KIAA0825: variants seen among roughly 807,000 people sequenced by gnomAD.
KIAA0825 encodes the protein KIAA0825.
KIAA0825 carries 119 observed loss-of-function variants against 147.6 expected under a neutral mutation model. That is an observed-to-expected ratio of 0.81 (90% CI 0.69 to 0.94). The LOEUF is 0.94. Ranked by LOEUF, KIAA0825 falls within the 40% of genes least tolerant of loss-of-function variation. KIAA0825 has a pLI of 0.00. For missense variants in KIAA0825, 1,381 were observed against 1,472.7 expected (o/e 0.94, Z 1.02); for synonymous variants, 470 against 518.1 (o/e 0.91, Z 1.26).
In KIAA0825 at chr5:94,521,036, T is replaced by C. The variant is rs531636823; in HGVS notation, c.301-119A>G. 8.9e-6 allele frequency: 8 copies of C among 899,650 alleles called. No homozygotes were observed. In the South Asian group the frequency reaches 1.7e-4, roughly 19 times the overall value. The allele number at this position is 899,650 out of a possible 1,614,324, so 55.7% of individuals were successfully genotyped here. A position where few individuals can be genotyped will look rare whatever the true frequency, so the allele number is the denominator to read the frequency against. ...ATCAATACTCTAAAATTCCTTAAGA[T>C]TTTATTTTTTTGCATTTGAAATTTA... On this transcript the variant is annotated intron_variant, in intron 4 of 20. Transcript: ENST00000682413.
intron 5 of KIAA0825, among the ~76,000 whole-genome samples, chr5:94,516,313 C>T (rs79750386): frequency 0.024 from 3,579 of 152,264 alleles, 63 homozygotes; most frequent in Non-Finnish European, 0.037. Context: ...GGTAGAATAA[C>T]ATAGCACAGC....
At chr5:94,209,339 A>G (rs542322259) in intron 20 of KIAA0825, among the ~76,000 whole-genome samples, 1 of 152,224 alleles carries the variant, frequency 6.6e-6, no homozygotes, top group African/African-American at 2.4e-5. Context: ...TCTCTATTCT[A>G]CCAAAAACAG....
chr5:94,538,757 G>A (rs756173883), intron 2 of KIAA0825, among the ~76,000 whole-genome samples: 1 of 152,200 alleles, frequency 6.6e-6, no homozygotes, highest in Non-Finnish European at 1.5e-5. Flanking sequence ...TATCCAAAAG[G>A]TCCTATAACG....
chr5:94,319,037 A>G (rs1313050533), intron 20 of KIAA0825, among the ~76,000 whole-genome samples: 1 of 151,918 alleles, frequency 6.6e-6, no homozygotes, highest in Non-Finnish European at 1.5e-5. Flanking sequence ...ACCAGGCTTG[A>G]TATTGATGAG....
intron 20 of KIAA0825, among the ~76,000 whole-genome samples, chr5:94,172,774 G>C (rs1173436770): frequency 6.6e-6 from 1 of 152,074 alleles, no homozygotes; most frequent in Non-Finnish European, 1.5e-5. Flanking sequence ...TGTGGTAGAA[G>C]GTGTATGAAA....
In KIAA0825 at chr5:94,153,786, G is replaced by A. The variant is rs370604950; in HGVS notation, c.*221C>T. The A allele has an allele frequency of 6.2e-5, 24 of 387,192 alleles. No individual in the cohort carries two copies. In the South Asian group the frequency reaches 2.0e-3, roughly 32 times the overall value. 24.0% of individuals were successfully genotyped at this position (387,192 alleles called of 1,614,324 possible). ...TGGCAGCAGTTATATCATATAAAGA[G>A]AAAGATTGGGGAAAGAAAAACATTT... On this transcript the variant is annotated 3_prime_UTR_variant, in exon 21 of 21. Transcript: ENST00000682413.
At chr5:94,411,180 G>A (rs1752719202) in intron 15 of KIAA0825, among the ~76,000 whole-genome samples, 1 of 152,028 alleles carries the variant, frequency 6.6e-6, no homozygotes, top group Non-Finnish European at 1.5e-5. Context: ...GATACATATT[G>A]TAAACCCTGG....
intron 1 of KIAA0825, among the ~76,000 whole-genome samples, chr5:94,595,900 A>T (rs1389506161): frequency 2.0e-5 from 3 of 152,202 alleles, no homozygotes; most frequent in Non-Finnish European, 4.4e-5. Context: ...GCAAAATGCC[A>T]CCAATCTCTT....
At chr5:94,494,185 T>C (rs1764070797) in intron 5 of KIAA0825, among the ~76,000 whole-genome samples, 2 of 152,110 alleles carry the variant, frequency 1.3e-5, no homozygotes, top group South Asian at 4.1e-4. Context: ...TGCTCAATGA[T>C]AACAAAATTC....
At chr5:94,357,069 C>T (rs1315588216) in intron 20 of KIAA0825, among the ~76,000 whole-genome samples, 1 of 152,032 alleles carries the variant, frequency 6.6e-6, no homozygotes, top group Non-Finnish European at 1.5e-5. Context: ...AATGTTGAAT[C>T]CTTAGAGAGC....
At chr5:94,527,056 T>C (rs913063341) in intron 3 of KIAA0825, among the ~76,000 whole-genome samples, 4 of 152,034 alleles carry the variant, frequency 2.6e-5, no homozygotes, top group African/African-American at 9.7e-5. Flanking sequence ...CAGAATTCAG[T>C]ACTTGTCATC....
chr5:94,535,723 A>G (rs1771871504), intron 3 of KIAA0825, among the ~76,000 whole-genome samples: 3 of 152,100 alleles, frequency 2.0e-5, no homozygotes, highest in Non-Finnish European at 4.4e-5. Flanking sequence ...GTAAGAGCCT[A>G]ACTTCAGTGG....
intron 1 of KIAA0825, among the ~76,000 whole-genome samples, chr5:94,604,947 C>A (rs932608364): frequency 2.2e-4 from 33 of 151,796 alleles, no homozygotes; most frequent in African/African-American, 7.5e-4. Context: ...TTTAAAAGAT[C>A]AACAAATCCA....
intron 12 of KIAA0825, among the ~76,000 whole-genome samples, chr5:94,455,360 C>G (rs1211366059): frequency 6.6e-6 from 1 of 152,154 alleles, no homozygotes; most frequent in East Asian, 1.9e-4. Context: ...GAGAAAATGA[C>G]TGAATCCACT....
At chr5:94,357,220 G>GT (rs1184124384) in intron 20 of KIAA0825, among the ~76,000 whole-genome samples, 1 of 149,654 alleles carries the variant, frequency 6.7e-6, no homozygotes, top group Admixed American at 6.7e-5. Context: ...ATCCTTCTGA[G>GT]TGGTAAAACT....
intron 1 of KIAA0825, among the ~76,000 whole-genome samples, chr5:94,602,270 G>C (rs756217066): frequency 6.6e-6 from 1 of 151,976 alleles, no homozygotes; most frequent in East Asian, 1.9e-4. Flanking sequence ...AGAATGGCGT[G>C]AACCTGGGAG....
Position 94,161,138 on chromosome 5 carries a change from T to C in KIAA0825, c.3711-7014A>G, listed in dbSNP as rs529655563. On this transcript the variant is annotated intron_variant, in intron 20 of 20. Transcript: ENST00000682413. ...ACTGCCATTAGTCCACAGGTACACA[T>C]GATTTCAGTGTCTGGACAGTGCGAT... 3.3e-5 allele frequency among the ~76,000 whole-genome samples: 5 copies of C among 152,288 alleles called. No homozygotes were observed. In the South Asian group the frequency reaches 1.0e-3, roughly 32 times the overall value.
In KIAA0825 at chr5:94,386,205, C is replaced by T. The variant is rs1044179897; in HGVS notation, c.3619+37G>A. The T allele has an allele frequency of 2.2e-5, 34 of 1,514,234 alleles. No homozygotes were observed. The African/African-American group carries it at 4.6e-4, about 21-fold the overall frequency. The allele number at this position is 1,514,234 out of a possible 1,614,324, so 93.8% of individuals were successfully genotyped here. On this transcript the variant is annotated intron_variant, in intron 19 of 20. Coordinates refer to ENST00000682413, the MANE Select transcript of KIAA0825 (RefSeq NM_001145678.3). The stretch of plus-strand genomic sequence containing the variant: ...ATTTTTTCTTACTTGGGTAAAGAAA[C>T]CACACATTTAAATTAAATTTACCAT...
intron 6 of KIAA0825, 79 bp downstream of exon 6, chr5:94,484,690 T>C: frequency 1.1e-6 from 1 of 938,152 alleles, no homozygotes; most frequent in Non-Finnish European, 1.5e-6. Flanking sequence ...TTTCAAGTAA[T>C]CGTTTTCATT....
Sources: allele counts gnomAD v4.1 joint callset (sites outside exome capture counted in the v4.1 genomes callset), GRCh38; gene constraint gnomAD v4.1.1; transcripts MANE v1.5; gene names NCBI Gene and HGNC (gene_info 2026-07-23, HGNC 2026-07-21).